DENND5B: variants seen among roughly 807,000 people sequenced by gnomAD.
The protein encoded by DENND5B is DENN domain-containing protein 5B.
DENND5B carries 34 observed loss-of-function variants against 140.6 expected under a neutral mutation model. That is an observed-to-expected ratio of 0.24 (90% CI 0.18 to 0.32). The LOEUF (loss-of-function observed/expected upper bound fraction) is 0.32. DENND5B is among the 10% of genes least tolerant of loss of function. The pLI is 1.00. For missense variants in DENND5B, 1,142 were observed against 1,560.2 expected (o/e 0.73, Z 4.52); for synonymous variants, 551 against 562.1 (o/e 0.98, Z 0.28).
At chr12:31,403,390 CT>C (rs11340235) in intron 14 of DENND5B, among the ~76,000 whole-genome samples, 49,534 of 140,278 alleles carry the variant, frequency 0.35, 9,041 homozygotes, top group Non-Finnish European at 0.46. Flanking sequence ...CTTTTTTTTT[CT>C]TTTTTTTTTT....
intron 13 of DENND5B, among the ~76,000 whole-genome samples, chr12:31,412,706 C>T (rs1942527661): frequency 6.6e-6 from 1 of 152,160 alleles, no homozygotes; most frequent in African/African-American, 2.4e-5. Flanking sequence ...GAATGCAAGG[C>T]TCTCAGAAGA....
At chr12:31,493,386 C>T (rs2138707742) in intron 2 of DENND5B, among the ~76,000 whole-genome samples, 1 of 152,212 alleles carries the variant, frequency 6.6e-6, no homozygotes, top group South Asian at 2.1e-4. Flanking sequence ...AGTCTTTTAA[C>T]AATATCTTTA....
rs981819275 is a variant in DENND5B at position 31,436,938 on chromosome 12, ATAGAT to A, written c.2013-3695_2013-3691del. Among the ~76,000 whole-genome samples, 84 of 152,284 alleles carry A rather than the reference ATAGAT, an allele frequency of 5.5e-4. 1 individual carries two copies. The highest frequency in any genetic ancestry group is 1.9e-3 in the African/African-American group (81 of 41,558). Reference sequence around the variant, plus strand: ...CTCCCAACTTTCATTCACCTTTCAGATAGATTAGAGGCCACTGCTTCCAGAAAGTG... The same window carrying A: ...CTCCCAACTTTCATTCACCTTTCAGATAGAGGCCACTGCTTCCAGAAAGTG... On this transcript the variant is annotated intron_variant, in intron 7 of 20. Transcript: ENST00000389082.
At chr12:31,512,755 A>C (rs1947479086) in intron 1 of DENND5B, among the ~76,000 whole-genome samples, 1 of 152,174 alleles carries the variant, frequency 6.6e-6, no homozygotes, top group African/African-American at 2.4e-5. Context: ...TTGTTTTAAG[A>C]AACTTTTTAA....
At chr12:31,504,910 A>T (rs1045122876) in intron 1 of DENND5B, among the ~76,000 whole-genome samples, 1 of 152,234 alleles carries the variant, frequency 6.6e-6, no homozygotes, top group Non-Finnish European at 1.5e-5. Flanking sequence ...AGGAGGCCTT[A>T]AAAGATGGAC....
intron 18 of DENND5B, 69 bp downstream of exon 18, chr12:31,392,545 G>A: frequency 6.6e-7 from 1 of 1,520,150 alleles, no homozygotes; most frequent in African/African-American, 1.4e-5. Flanking sequence ...ACCCCATATT[G>A]CCTCGTGTAT....
intron 4 of DENND5B, among the ~76,000 whole-genome samples, chr12:31,455,884 T>G (rs944321113): frequency 6.6e-6 from 1 of 152,066 alleles, no homozygotes; most frequent in Admixed American, 6.5e-5. Context: ...CTGGGCGTAG[T>G]GGCAGGCGCC....
chr12:31,511,940 T>TTTC (rs1401564720), intron 1 of DENND5B, among the ~76,000 whole-genome samples: 26 of 147,426 alleles, frequency 1.8e-4, no homozygotes, highest in Admixed American at 1.6e-3. Flanking sequence ...TTTTTTTTTT[T>TTTC]TGTGACGGAG....
At chr12:31,397,574 G>C (rs1490205000) in intron 17 of DENND5B, among the ~76,000 whole-genome samples, 1 of 24,582 alleles carries the variant, frequency 4.1e-5, no homozygotes, top group Non-Finnish European at 1.2e-4. Flanking sequence ...AAAAAAAAAA[G>C]GCTAGATATG....
At chr12:31,489,474 C>T (rs1281712832) in intron 2 of DENND5B, among the ~76,000 whole-genome samples, 4 of 152,108 alleles carry the variant, frequency 2.6e-5, no homozygotes, top group East Asian at 1.9e-4. Flanking sequence ...GGACTCTGTT[C>T]GAGATATCAT....
At chr12:31,407,380 TGGCCTCCCAAAGCGCTGGGATTACA>T in intron 14 of DENND5B, among the ~76,000 whole-genome samples, 1 of 152,256 alleles carries the variant, frequency 6.6e-6, no homozygotes, top group African/African-American at 2.4e-5. Context: ...CCAACTGCCT[TGGCCTCCCAAAGCGCTGGGATTACA>T]GGCTTGAGCC....
At chr12:31,555,378 G>A (rs61932469) in intron 1 of DENND5B, among the ~76,000 whole-genome samples, 1 of 152,220 alleles carries the variant, frequency 6.6e-6, no homozygotes, top group Non-Finnish European at 1.5e-5. Flanking sequence ...GGATATTGGT[G>A]AACCGCAGAT....
chr12:31,499,798 T>A (rs1946934344), intron 1 of DENND5B: 1 of 634,392 alleles, frequency 1.6e-6, no homozygotes, highest in Non-Finnish European at 2.4e-6. Context: ...GACATTAACA[T>A]TAGAATGTAG....
intron 15 of DENND5B, among the ~76,000 whole-genome samples, chr12:31,401,647 T>C (rs1274826928): frequency 1.3e-5 from 2 of 152,224 alleles, no homozygotes; most frequent in Non-Finnish European, 2.9e-5. Context: ...GTTTTGTTTT[T>C]TGAGACACAG....
At chr12:31,467,911 G>T (rs965486062) in intron 3 of DENND5B, among the ~76,000 whole-genome samples, 1 of 150,694 alleles carries the variant, frequency 6.6e-6, no homozygotes, top group African/African-American at 2.5e-5. Flanking sequence ...CAAAAACAGA[G>T]AGAGAGAGAA....
At chr12:31,485,494 T>C (rs1320896550) in intron 2 of DENND5B, among the ~76,000 whole-genome samples, 3 of 152,258 alleles carry the variant, frequency 2.0e-5, no homozygotes, top group African/African-American at 7.2e-5. Flanking sequence ...AAGGATGTGC[T>C]TGAGCCTAGT....
intron 7 of DENND5B, among the ~76,000 whole-genome samples, chr12:31,440,021 T>C (rs905687365): frequency 6.6e-6 from 1 of 151,138 alleles, no homozygotes; most frequent in Non-Finnish European, 1.5e-5. Context: ...ATTAGGATAC[T>C]TCACAAATAA....
intron 3 of DENND5B, chr12:31,465,562 T>C (rs1175406575): frequency 2.6e-5 from 4 of 152,290 alleles, no homozygotes; most frequent in Non-Finnish European, 5.9e-5. Context: ...AGACGGGGTT[T>C]CACTATGTTG....
chr12:31,579,014 A>G (rs945137086), intron 1 of DENND5B, among the ~76,000 whole-genome samples: 4 of 152,212 alleles, frequency 2.6e-5, no homozygotes, highest in Non-Finnish European at 5.9e-5. Flanking sequence ...ACTTCCTGGG[A>G]TTACTTCTGA....
Sources: gnomAD v4.1 joint callset for allele counts (sites outside exome capture counted in the v4.1 genomes callset) on GRCh38, gnomAD v4.1.1 for gene constraint, MANE v1.5 for transcripts, NCBI Gene and HGNC (gene_info 2026-07-23, HGNC 2026-07-21) for gene names.